The following MSL3 variants were observed in gnomAD, a reference collection of about 807,000 sequenced individuals.
The protein encoded by MSL3 is MSL3-like 1.
A neutral mutation model predicts 37.2 loss-of-function variants in MSL3; 5 were observed. That is an observed-to-expected ratio of 0.13 (90% CI 0.07 to 0.28). The LOEUF (loss-of-function observed/expected upper bound fraction) is 0.28. Among genes scored for constraint, MSL3 ranks in the 10% least tolerant of loss-of-function variants. MSL3 has a pLI of 1.00. For missense variants in MSL3, 315 were observed against 408.5 expected, an observed-to-expected ratio of 0.77 and a Z score of 1.97; for synonymous variants, 149 against 147.6, an observed-to-expected ratio of 1.01 and a Z score of -0.07.
At chrX:11,764,041 G>A (rs1009882918) in intron 8 of MSL3, 103 bp downstream of exon 8, 4 of 732,918 alleles carry the variant, frequency 5.5e-6, no homozygotes, top group Non-Finnish European at 7.9e-6. Flanking sequence ...AACATGTTTG[G>A]AGGAGGGAAG....
intron 2 of MSL3, chrX:11,760,087 A>G: frequency 2.4e-6 from 1 of 420,620 alleles, no homozygotes; most frequent in Non-Finnish European, 3.9e-6. Context: ...AACTTCTTTA[A>G]GTTTTAGAAA....
intron 9 of MSL3, chrX:11,766,746 G>A (rs2053187291): frequency 6.6e-6 from 5 of 754,609 alleles, no homozygotes; most frequent in South Asian, 6.7e-5. Flanking sequence ...ACAGAGCTAC[G>A]CCAGCAGGCG....
rs766211738 is a variant in MSL3, at chrX:11,761,596, A to G, written c.465+14A>G. On this transcript the variant is annotated intron_variant, in intron 5 of 12. Coordinates refer to ENST00000312196, the MANE Select transcript of MSL3 (RefSeq NM_078629.4). ...AAGACTGAAGTGGTATAAAGTTTTT[A>G]TTGTAAAAACTTTCTCTTTGTTATA... The G allele has an allele frequency of 1.0e-5, 11 of 1,059,968 alleles. No individual in the cohort carries two copies. Among genetic ancestry groups the G allele is most frequent in the Non-Finnish European group, 1.4e-5 (11 of 775,079 alleles). 87.4% of individuals were successfully genotyped at this position (1,059,968 alleles called of 1,213,427 possible). A position where few individuals can be genotyped will look rare whatever the true frequency, so the allele number is the denominator to read the frequency against.
chrX:11,766,491 C>T (rs890610641), intron 9 of MSL3: 27 of 753,713 alleles, frequency 3.6e-5, no homozygotes, highest in Non-Finnish European at 4.1e-5. Flanking sequence ...GGTTGTTTAG[C>T]CTATGCTAAT....
chrX:11,763,282 C>T (rs754550969), intron 7 of MSL3, among the ~76,000 whole-genome samples: 102 of 112,929 alleles, frequency 9.0e-4, no homozygotes, highest in Non-Finnish European at 1.6e-3. Context: ...GAGAACTTTC[C>T]TTGAGAAGCA....
intron 2 of MSL3, 132 bp downstream of exon 2, chrX:11,760,007 CTTCT>C: frequency 4.0e-6 from 3 of 754,979 alleles, no homozygotes; most frequent in Admixed American, 3.9e-5. Context: ...GCATTGCAAA[CTTCT>C]TTAAGTTTTT....
chrX:11,760,523 A>C (rs765023255), intron 3 of MSL3, 25 bp downstream of exon 3: 2 of 1,083,352 alleles, frequency 1.8e-6, no homozygotes, highest in Admixed American at 4.7e-5. Flanking sequence ...ATCAAGATAT[A>C]AATGTTATCC....
At chrX:11,758,888 C>A in intron 1 of MSL3, 1 of 758,698 alleles carries the variant, frequency 1.3e-6, no homozygotes, top group Non-Finnish European at 1.9e-6. Flanking sequence ...ATCCCGAGGG[C>A]AAGGTTGGCC....
At chrX:11,758,716 T>C (rs753621968) in intron 1 of MSL3, 1 of 1,167,000 alleles carries the variant, frequency 8.6e-7, no homozygotes, top group South Asian at 1.9e-5. Flanking sequence ...AAATGTCTCC[T>C]TCTGTGCGGC....
At chrX:11,760,056 TCTTTA>T (rs2053115704) in intron 2 of MSL3, 181 bp downstream of exon 2, 6 of 495,223 alleles carry the variant, frequency 1.2e-5, no homozygotes, top group Non-Finnish European at 1.9e-5. Context: ...TCATTTCCTG[TCTTTA>T]CTTTGTAGCG....
intron 12 of MSL3, among the ~76,000 whole-genome samples, chrX:11,773,350 C>T (rs1303393270): frequency 1.8e-5 from 2 of 111,851 alleles, no homozygotes; most frequent in Non-Finnish European, 3.8e-5. Flanking sequence ...CCCCCTGCCT[C>T]ACCCAGCTCA....
rs1489646701 is a variant in MSL3 at position 11,763,995 on chromosome X, C to A, written c.908+57C>A. 2.9e-6 allele frequency: 3 copies of A among 1,042,719 alleles called. No individual in the cohort carries two copies. The East Asian group carries it at 9.4e-5, about 33-fold the overall frequency. 85.9% of individuals were successfully genotyped at this position (1,042,719 alleles called of 1,213,427 possible). On this transcript the variant is annotated intron_variant, in intron 8 of 12. Coordinates refer to ENST00000312196, the MANE Select transcript of MSL3 (RefSeq NM_078629.4). ...CATGTCAGCAGTACAATGATCAGAT[C>A]CTTGTTTTGAAGAGTTCAATCTGAT...
rs1338383224 is a variant in MSL3, at chrX:11,758,244, C to T, written c.-20C>T. 32 of 989,934 alleles carry T rather than the reference C, an allele frequency of 3.2e-5. No homozygotes were observed. The highest frequency in any genetic ancestry group is 4.2e-5 in the Non-Finnish European group (32 of 762,147). 81.6% of individuals were successfully genotyped at this position (989,934 alleles called of 1,213,427 possible). A position where few individuals can be genotyped will look rare whatever the true frequency, so the allele number is the denominator to read the frequency against. On this transcript the variant is annotated 5_prime_UTR_variant, in exon 1 of 13. Coordinates refer to ENST00000312196, the MANE Select transcript of MSL3 (RefSeq NM_078629.4). ...GCGCTCCGCCCGCCCCGGAGCCTCGCCCTCCGCCACGATGAGCAAATGAGC... is the reference window on the plus strand; with the variant it reads ...GCGCTCCGCCCGCCCCGGAGCCTCGTCCTCCGCCACGATGAGCAAATGAGC...
intron 11 of MSL3, 23 bp from the exon 12 acceptor site, chrX:11,772,598 T>A (rs2053241230): frequency 9.2e-7 from 1 of 1,091,956 alleles, no homozygotes; most frequent in African/African-American, 1.8e-5. Flanking sequence ...TTGTAAATGG[T>A]TTTGCCTTTA....
Position 11,760,445 on chromosome X carries a change from C to T in MSL3, c.228C>T (p.Thr76=), listed in dbSNP as rs372616854. 21 of 1,200,310 alleles carry T rather than the reference C, an allele frequency of 1.7e-5. No homozygotes were observed. Among genetic ancestry groups the T allele is most frequent in the Non-Finnish European group, 2.2e-5 (20 of 891,083 alleles). ...CAGAAGATCATGTGCTTCGTGATAC[C>T]GATGAAAATCGTAGATTACAGCGTA... ...WAAEDHVLRD[T]DENRRLQRKL... The change falls in exon 3 of 13, where the codon ACC becomes ACT. Residue 76 remains threonine, a synonymous_variant. Transcript: ENST00000312196.
chrX:11,760,802 A>G (rs1395435718), intron 3 of MSL3, 35 bp from the exon 4 acceptor site: 1 of 1,109,565 alleles, frequency 9.0e-7, no homozygotes, highest in Non-Finnish European at 1.2e-6. Context: ...GTTCAATGTC[A>G]AAACTTATTT....
At chrX:11,768,807 G>C in intron 10 of MSL3, 125 bp downstream of exon 10, 1 of 489,206 alleles carries the variant, frequency 2.0e-6, no homozygotes, top group South Asian at 3.3e-5. Flanking sequence ...TATCAAAATT[G>C]TACGTAATTT....
chrX:11,764,573 C>T (rs1324818029), intron 8 of MSL3, among the ~76,000 whole-genome samples: 1 of 111,514 alleles, frequency 9.0e-6, no homozygotes, highest in Non-Finnish European at 1.9e-5. Flanking sequence ...CCTCTTCCCT[C>T]TCTTCCTGAG....
chrX:11,772,722 G>A lies in MSL3; in HGVS notation c.1466+17G>A, dbSNP rs1366540591. ...CTTTTTGAGGTATTTTTATTATTTT[G>A]TCAAAACTTACACCTGTTGCCATAT... On this transcript the variant is annotated intron_variant, in intron 12 of 12. Coordinates refer to ENST00000312196, the MANE Select transcript of MSL3 (RefSeq NM_078629.4). 2 of 1,056,530 alleles carry A rather than the reference G, an allele frequency of 1.9e-6. No homozygotes were observed. Among genetic ancestry groups the A allele is most frequent in the Non-Finnish European group, 2.6e-6 (2 of 765,706 alleles). The allele number at this position is 1,056,530 out of a possible 1,213,427, so 87.1% of individuals were successfully genotyped here. A position where few individuals can be genotyped will look rare whatever the true frequency, so the allele number is the denominator to read the frequency against.
Sources: allele counts gnomAD v4.1 joint callset (sites outside exome capture counted in the v4.1 genomes callset), GRCh38; gene constraint gnomAD v4.1.1; transcripts MANE v1.5; gene names NCBI Gene and HGNC (gene_info 2026-07-23, HGNC 2026-07-21).